DOK7: variants seen among roughly 807,000 people sequenced by gnomAD.
DOK7 encodes the protein protein Dok-7.
Under a neutral mutation model 30.7 loss-of-function variants are expected in DOK7, and 32 were observed. The observed-to-expected ratio is 1.04, with a 90% confidence interval of 0.79 to 1.40. DOK7 has a LOEUF of 1.40. Among genes scored for constraint, DOK7 ranks in the 40% most tolerant of loss-of-function variants. The probability of loss-of-function intolerance (pLI) is 0.00; values close to 1 mark genes in which losing one functional copy is unlikely to be tolerated. For synonymous variants in DOK7, 447 were observed against 324.1 expected, an observed-to-expected ratio of 1.38 and a Z score of -4.07; for missense variants, 1,007 against 699.2, an observed-to-expected ratio of 1.44 and a Z score of -4.97.
chr4:3,488,031 G>A (rs1439776664), intron 5 of DOK7, among the ~76,000 whole-genome samples: 3 of 152,266 alleles, frequency 2.0e-5, no homozygotes, highest in Non-Finnish European at 2.9e-5. Flanking sequence ...AGCAGGCCGT[G>A]TCGGGAGGGA....
At chr4:3,490,199 C>CCT (rs1560226065) in intron 6 of DOK7, among the ~76,000 whole-genome samples, 2 of 74,832 alleles carry the variant, frequency 2.7e-5, no homozygotes, top group African/African-American at 1.2e-4. Context: ...CTCATTCCTT[C>CCT]CCCCCTCATT....
chr4:3,479,413 C>T (rs779040596), intron 4 of DOK7, among the ~76,000 whole-genome samples: 5 of 152,240 alleles, frequency 3.3e-5, no homozygotes, highest in East Asian at 1.9e-4. Context: ...GCCACTGGGA[C>T]GGAGAAATAT....
rs529205573 is a variant in DOK7, at chr4:3,500,327, C to T, written c.1185C>T (p.Ile395=). 3.9e-6 allele frequency: 6 copies of T among 1,535,836 alleles called. No homozygotes were observed. In the African/African-American group the frequency reaches 8.2e-5, roughly 21 times the overall value. ...GCGAGTCGCCCACTTACGTGAACAT[C>T]CCCGTCAGCCCATCCTCCAGAAAGC... Residue 395 remains isoleucine (I), a synonymous_variant, in exon 7 of 8, where the codon ATC becomes ATT. Coordinates refer to the DOK7 transcript ENST00000643608.
chr4:3,478,131 T>C (rs957694658), intron 4 of DOK7, among the ~76,000 whole-genome samples: 2 of 152,148 alleles, frequency 1.3e-5, no homozygotes, highest in African/African-American at 4.8e-5. Context: ...GTCTGTGGAA[T>C]TCCTTGGCAC....
chr4:3,480,382 AG>A (rs1727370840), intron 4 of DOK7, among the ~76,000 whole-genome samples: 1 of 152,128 alleles, frequency 6.6e-6, no homozygotes, highest in African/African-American at 2.4e-5. Flanking sequence ...CGGAGGTGGG[AG>A]GATCACCTGA....
Position 3,493,540 on chromosome 4 carries a change from A to G in DOK7, c.*39A>G, listed in dbSNP as rs1436532587. The G allele has an allele frequency of 6.2e-7, 1 of 1,601,466 alleles. No individual in the cohort carries two copies. Among genetic ancestry groups the G allele is most frequent in the Middle Eastern group, 1.7e-4 (1 of 5,828 alleles). ...CGCCCCGCGGCTGCAAAGGGGCTGA[A>G]TTTGCCCCCAGATGGCAGAGGAAGT... On this transcript the variant is annotated 3_prime_UTR_variant, in exon 7 of 7. Coordinates refer to ENST00000340083, the MANE Select transcript of DOK7 (RefSeq NM_173660.5).
At chr4:3,492,550 A>G (rs1420066028) in intron 6 of DOK7, among the ~76,000 whole-genome samples, 2 of 152,096 alleles carry the variant, frequency 1.3e-5, no homozygotes, top group Non-Finnish European at 2.9e-5. Context: ...GCAGAAGGAC[A>G]GGAACGGACA....
chr4:3,499,471 C>T (rs115135402), downstream of DOK7, among the ~76,000 whole-genome samples: 1,124 of 152,244 alleles, frequency 7.4e-3, 12 homozygotes, highest in African/African-American at 0.025. Context: ...GCCCACGGTG[C>T]GGAGCCCTCA....
intron 6 of DOK7, 82 bp downstream of exon 6, chr4:3,489,878 G>C: frequency 6.6e-7 from 1 of 1,519,082 alleles, no homozygotes; most frequent in Admixed American, 2.0e-5. Context: ...ATGCATGTGT[G>C]GGGGCTGCAG....
rs1728719835 is a variant in DOK7, at chr4:3,493,830, G to A, written c.*329G>A. Reference sequence around the variant, plus strand: ...CTGTTGGCTCGTGCCTTGCACTGGGGTGCCAAGGGCTGGAGGCCCTGCCGC... The same window carrying A: ...CTGTTGGCTCGTGCCTTGCACTGGGATGCCAAGGGCTGGAGGCCCTGCCGC... On this transcript the variant is annotated 3_prime_UTR_variant, in exon 7 of 7. Transcript: ENST00000340083. 2 of 1,225,942 alleles carry A rather than the reference G, an allele frequency of 1.6e-6. No individual in the cohort carries two copies. Among genetic ancestry groups the A allele is most frequent in the East Asian group, 4.0e-5 (1 of 24,768 alleles). The allele number at this position is 1,225,942 out of a possible 1,614,324, so 75.9% of individuals were successfully genotyped here.
chr4:3,468,926 A>T (rs1458385329), intron 2 of DOK7, among the ~76,000 whole-genome samples: 3 of 122,224 alleles, frequency 2.5e-5, no homozygotes, highest in Non-Finnish European at 5.0e-5. Flanking sequence ...TGTGTGTATG[A>T]GTGTGCGTGC....
In DOK7 at chr4:3,489,662, TTCTC is replaced by T. The variant is rs1728053921; in HGVS notation, c.653-11_653-8del. ...TGGTGGCCACCTCCTCCACCGAGTC[TTCTC>T]TCTGCCACAGACCCAAGTCCCCCGG... On this transcript the variant is annotated splice_polypyrimidine_tract_variant and intron_variant, in intron 5 of 6. Coordinates refer to ENST00000340083, the MANE Select transcript of DOK7 (RefSeq NM_173660.5). The T allele has an allele frequency of 5.1e-6, 8 of 1,563,960 alleles. No individual in the cohort carries two copies. The highest frequency in any genetic ancestry group is 6.9e-6 in the Non-Finnish European group (8 of 1,154,516).
At chr4:3,477,084 G>A (rs925677605) in intron 4 of DOK7, among the ~76,000 whole-genome samples, 11 of 152,134 alleles carry the variant, frequency 7.2e-5, no homozygotes, top group African/African-American at 2.4e-4. Context: ...CACTCAGCCA[G>A]GGGAGTGAGG....
chr4:3,468,181 T>TG (rs1315304656), intron 2 of DOK7, among the ~76,000 whole-genome samples: 4 of 143,894 alleles, frequency 2.8e-5, no homozygotes, highest in African/African-American at 1.1e-4. Context: ...AATACCTGTG[T>TG]GTGGGGGTGT....
chr4:3,490,383 C>CCCTGATCATTCAGTCCTTCATTACCCT (rs1728210481), intron 6 of DOK7, among the ~76,000 whole-genome samples: 1 of 27,842 alleles, frequency 3.6e-5, no homozygotes, highest in Admixed American at 3.4e-4. Context: ...TCCCCCCACC[C>CCCTGATCATTCAGTCCTTCATTACCCT]CCTGCTCATT....
chr4:3,494,785 G>A (rs558841218), downstream of DOK7, among the ~76,000 whole-genome samples: 3 of 152,196 alleles, frequency 2.0e-5, no homozygotes, highest in East Asian at 1.9e-4. Flanking sequence ...GGGCTCCTCA[G>A]GTCCCGGTGA....
At chr4:3,495,799 G>C (rs997977037), downstream of DOK7, among the ~76,000 whole-genome samples, 2 of 149,422 alleles carry the variant, frequency 1.3e-5, no homozygotes, top group South Asian at 2.2e-4. Context: ...TGCCCCCACC[G>C]GGAGCAGCTG....
rs745791856 is a variant in DOK7, at chr4:3,463,453, G to C, written c.54+24G>C. ...AGGTCGGGGCGCGTCGGGGGCGCGG[G>C]GGGGGGGGGCGCGGGCGCGGGCGGC... is the stretch of plus-strand genomic sequence containing the variant. On this transcript the variant is annotated intron_variant, in intron 1 of 6. Transcript: ENST00000340083. 6 of 1,104,316 alleles carry C rather than the reference G, an allele frequency of 5.4e-6. No homozygotes were observed. The highest frequency in any genetic ancestry group is 4.6e-5 in the South Asian group (2 of 43,100). The allele number at this position is 1,104,316 out of a possible 1,614,324, so 68.4% of individuals were successfully genotyped here. A position where few individuals can be genotyped will look rare whatever the true frequency, so the allele number is the denominator to read the frequency against.
At chr4:3,489,287 G>C (rs935182698) in intron 5 of DOK7, among the ~76,000 whole-genome samples, 1 of 152,170 alleles carries the variant, frequency 6.6e-6, no homozygotes, top group African/African-American at 2.4e-5. Context: ...CCGTGAATGA[G>C]GGGCAGGCAG....
Sources: allele counts gnomAD v4.1 joint callset (sites outside exome capture counted in the v4.1 genomes callset), GRCh38; gene constraint gnomAD v4.1.1; transcripts MANE v1.5; gene names NCBI Gene and HGNC (gene_info 2026-07-23, HGNC 2026-07-21).